Variants in NR2F1-AS1 observed in about 807,000 individuals in gnomAD.
NR2F1-AS1 encodes NR2F1 antisense RNA 1.
intron 4 of NR2F1-AS1, among the ~76,000 whole-genome samples, chr5:93,484,100 A>C (rs902863512): frequency 1.3e-5 from 2 of 152,220 alleles, no homozygotes; most frequent in Admixed American, 6.5e-5. Context: ...AATACACAGA[A>C]CATCACAAAG....
At chr5:93,485,175 C>T (rs1750689064) in intron 4 of NR2F1-AS1, among the ~76,000 whole-genome samples, 1 of 152,148 alleles carries the variant, frequency 6.6e-6, no homozygotes, top group Admixed American at 6.5e-5. Context: ...ATCTCAGCAC[C>T]ACATTGCACT....
At chr5:93,573,991 G>A (rs1752837187) in intron 1 of NR2F1-AS1, among the ~76,000 whole-genome samples, 1 of 152,200 alleles carries the variant, frequency 6.6e-6, no homozygotes, top group African/African-American at 2.4e-5. Context: ...CCCATCGTTG[G>A]AGCTGACAGT....
At chr5:93,515,799 A>C (rs902548553) in intron 4 of NR2F1-AS1, among the ~76,000 whole-genome samples, 1 of 151,942 alleles carries the variant, frequency 6.6e-6, no homozygotes, top group African/African-American at 2.4e-5. Context: ...GCAGCTGTAC[A>C]TCCAAGAAAC....
intron 4 of NR2F1-AS1, among the ~76,000 whole-genome samples, chr5:93,450,206 T>C (rs1200382655): frequency 6.6e-6 from 1 of 152,188 alleles, no homozygotes; most frequent in Non-Finnish European, 1.5e-5. Flanking sequence ...CCAAAACACA[T>C]TTGGCCAAAG....
At position 93,533,897 on chromosome 5, in the gene NR2F1-AS1, C is replaced by T. The variant is rs527864220; in HGVS notation, n.638+19864G>A. On this transcript the variant is annotated intron_variant and non_coding_transcript_variant, in intron 4 of 5. Transcript: ENST00000660523. Reference sequence around the variant, plus strand: ...CTGTAGTCCTAGCACTTTGGGAGGCCGAGGCAGGCAGATCACATGAGGCCA... The same window carrying T: ...CTGTAGTCCTAGCACTTTGGGAGGCTGAGGCAGGCAGATCACATGAGGCCA... 2.6e-3 allele frequency among the ~76,000 whole-genome samples: 395 copies of T among 152,108 alleles called. 1 individual carries two copies. The highest frequency in any genetic ancestry group is 8.4e-3 in the African/African-American group (349 of 41,484).
At chr5:93,519,956 C>T (rs1751470389) in intron 4 of NR2F1-AS1, among the ~76,000 whole-genome samples, 1 of 151,832 alleles carries the variant, frequency 6.6e-6, no homozygotes, top group Non-Finnish European at 1.5e-5. Flanking sequence ...TTTAAAAATC[C>T]TCTCTATTTA....
At chr5:93,483,334 C>T (rs1750642209) in intron 4 of NR2F1-AS1, among the ~76,000 whole-genome samples, 1 of 152,192 alleles carries the variant, frequency 6.6e-6, no homozygotes, top group Non-Finnish European at 1.5e-5. Flanking sequence ...CAACAAACTC[C>T]AGCAGACCTG....
At chr5:93,528,967 A>G (rs765529827) in intron 4 of NR2F1-AS1, among the ~76,000 whole-genome samples, 87 of 152,300 alleles carry the variant, frequency 5.7e-4, no homozygotes, top group Admixed American at 7.8e-4. Context: ...TGATGGGTGC[A>G]GCAAACCACC....
intron 1 of NR2F1-AS1, among the ~76,000 whole-genome samples, chr5:93,578,128 T>C (rs970868585): frequency 6.6e-6 from 1 of 152,146 alleles, no homozygotes; most frequent in Non-Finnish European, 1.5e-5. Context: ...GGAGAGGATA[T>C]GTTAACAGAC....
At chr5:93,416,229 T>TTATATA (rs1748964625) in intron 4 of NR2F1-AS1, among the ~76,000 whole-genome samples, 1 of 152,232 alleles carries the variant, frequency 6.6e-6, no homozygotes, top group Non-Finnish European at 1.5e-5. Context: ...TTTTTACTAC[T>TTATATA]TATATATAAA....
chr5:93,488,245 C>A (rs1056409833), intron 4 of NR2F1-AS1, among the ~76,000 whole-genome samples: 1 of 152,138 alleles, frequency 6.6e-6, no homozygotes. Context: ...CAAATGGAAT[C>A]TAATTAAACT....
At chr5:93,481,017 TG>T (rs1750588915) in intron 4 of NR2F1-AS1, among the ~76,000 whole-genome samples, 1 of 152,060 alleles carries the variant, frequency 6.6e-6, no homozygotes, top group Non-Finnish European at 1.5e-5. Context: ...AAGTTCTTCA[TG>T]ATCAGTTGGC....
At chr5:93,531,600 T>C (rs1001084201) in intron 4 of NR2F1-AS1, among the ~76,000 whole-genome samples, 3 of 152,258 alleles carry the variant, frequency 2.0e-5, no homozygotes, top group African/African-American at 7.2e-5. Context: ...TAATGACTCA[T>C]ACTTTGTTTT....
chr5:93,457,878 A>C (rs1004226684), intron 4 of NR2F1-AS1, among the ~76,000 whole-genome samples: 9 of 151,940 alleles, frequency 5.9e-5, no homozygotes, highest in Non-Finnish European at 1.2e-4. Flanking sequence ...ATGGTGCTCA[A>C]CTGCGGTGTC....
chr5:93,436,217 A>G (rs1749428387), intron 4 of NR2F1-AS1, among the ~76,000 whole-genome samples: 1 of 152,214 alleles, frequency 6.6e-6, no homozygotes, highest in Non-Finnish European at 1.5e-5. Flanking sequence ...AAAACCCTCA[A>G]CAAACAATCA....
upstream of NR2F1-AS1, chr5:93,585,347 T>C (rs1753211851): frequency 1.1e-5 from 18 of 1,613,636 alleles, no homozygotes; most frequent in Non-Finnish European, 1.5e-5. Context: ...GCTGCAAAAG[T>C]TTCTTCAAGA....
chr5:93,558,587 G>T (rs1320875431), intron 2 of NR2F1-AS1, among the ~76,000 whole-genome samples: 2 of 152,162 alleles, frequency 1.3e-5, no homozygotes, highest in African/African-American at 4.8e-5. Flanking sequence ...CTCCCAAAGT[G>T]CTGGGATTAC....
rs147424258 is a variant in NR2F1-AS1 at position 93,489,415 on chromosome 5, G to GTATA, written n.638+64342_638+64345dup. 4.4e-4 allele frequency among the ~76,000 whole-genome samples: 66 copies of GTATA among 148,726 alleles called. 1 individual carries two copies. The East Asian group carries it at 0.011, about 24-fold the overall frequency. Reference sequence around the variant, plus strand: ...TAGGAGGAAGGTATTTTTAATTAAGGTATATATATATATATATTTTTAGGC... The same window carrying GTATA: ...TAGGAGGAAGGTATTTTTAATTAAGGTATATATATATATATATATATTTTTAGGC... On this transcript the variant is annotated intron_variant and non_coding_transcript_variant, in intron 4 of 5. Transcript: ENST00000660523.
intron 4 of NR2F1-AS1, among the ~76,000 whole-genome samples, chr5:93,474,328 C>G (rs1384058885): frequency 6.6e-6 from 1 of 152,168 alleles, no homozygotes; most frequent in Non-Finnish European, 1.5e-5. Flanking sequence ...GTTCATCTTA[C>G]CCACTGTTAG....
Sources: gnomAD v4.1 joint callset for allele counts (sites outside exome capture counted in the v4.1 genomes callset) on GRCh38, gnomAD v4.1.1 for gene constraint, MANE v1.5 for transcripts, NCBI Gene and HGNC (gene_info 2026-07-23, HGNC 2026-07-21) for gene names.